The following CPNE4 variants were observed in gnomAD, a reference collection of about 807,000 sequenced individuals.
The protein encoded by CPNE4 is copine 4, also known as copine-4.
A neutral mutation model predicts 67.9 loss-of-function variants in CPNE4; 25 were observed. That is an observed-to-expected ratio of 0.37 (90% CI 0.27 to 0.51). The LOEUF is 0.51. Ranked by LOEUF, CPNE4 falls within the 20% of genes least tolerant of loss-of-function variation. The pLI is 0.93. For missense variants in CPNE4, 464 were observed against 690.8 expected (o/e 0.67, Z 3.68); for synonymous variants, 242 against 244.9 (o/e 0.99, Z 0.11).
At chr3:131,756,731 T>C (rs1163746472) in intron 2 of CPNE4, among the ~76,000 whole-genome samples, 1 of 152,146 alleles carries the variant, frequency 6.6e-6, no homozygotes, top group Non-Finnish European at 1.5e-5. Context: ...CCGGGGTTGG[T>C]AGTTGAAGTA....
chr3:131,918,177 G>A (rs1324748509), intron 1 of CPNE4, among the ~76,000 whole-genome samples: 1 of 152,146 alleles, frequency 6.6e-6, no homozygotes, highest in Admixed American at 6.6e-5. Context: ...AAAAATGGAG[G>A]AAGCAGAATT....
At chr3:131,892,415 C>G (rs1415881848) in intron 2 of CPNE4, among the ~76,000 whole-genome samples, 3 of 152,016 alleles carry the variant, frequency 2.0e-5, no homozygotes, top group Admixed American at 6.6e-5. Context: ...AGTAGACCAG[C>G]CTTACAAGAA....
At chr3:131,971,371 C>T (rs779135513) in intron 1 of CPNE4, among the ~76,000 whole-genome samples, 3 of 152,186 alleles carry the variant, frequency 2.0e-5, no homozygotes, top group Admixed American at 6.5e-5. Context: ...ACAGAAGGAA[C>T]GGTAATTCCA....
At chr3:131,728,637 G>C (rs369046251) in intron 2 of CPNE4, among the ~76,000 whole-genome samples, 5 of 152,186 alleles carry the variant, frequency 3.3e-5, no homozygotes, top group African/African-American at 9.6e-5. Context: ...GTGGCCGGGC[G>C]CAGTGGCTCA....
chr3:131,900,815 C>T (rs536010478), intron 2 of CPNE4, among the ~76,000 whole-genome samples: 2 of 152,048 alleles, frequency 1.3e-5, no homozygotes, highest in South Asian at 2.1e-4. Context: ...TACATATAAC[C>T]GCACAAATCG....
intron 9 of CPNE4, among the ~76,000 whole-genome samples, chr3:131,577,860 C>T (rs76586572): frequency 2.0e-5 from 3 of 152,050 alleles, no homozygotes; most frequent in Admixed American, 6.6e-5. Flanking sequence ...ACTGTCATAT[C>T]GGTGGTCCAT....
At chr3:131,700,301 G>A (rs1325124870) in intron 3 of CPNE4, among the ~76,000 whole-genome samples, 2 of 152,062 alleles carry the variant, frequency 1.3e-5, no homozygotes, top group East Asian at 1.9e-4. Context: ...TGTATGTTAA[G>A]ACAAAGTAGA....
At chr3:131,756,346 T>G (rs1482393215) in intron 2 of CPNE4, among the ~76,000 whole-genome samples, 1 of 152,166 alleles carries the variant, frequency 6.6e-6, no homozygotes, top group African/African-American at 2.4e-5. Flanking sequence ...CCATATGAAT[T>G]CTAAAGTTTC....
chr3:131,817,529 T>C (rs1312332019), intron 2 of CPNE4, among the ~76,000 whole-genome samples: 3 of 152,188 alleles, frequency 2.0e-5, no homozygotes, highest in Non-Finnish European at 2.9e-5. Flanking sequence ...TGGAGGGCTT[T>C]GGTGATCCTT....
In CPNE4 at chr3:131,792,720, T is replaced by C. The variant is rs1464604973; in HGVS notation, c.181-69095A>G. 8.0e-5 allele frequency among the ~76,000 whole-genome samples: 9 copies of C among 112,026 alleles called. 1 individual carries two copies. Among genetic ancestry groups the C allele is most frequent in the South Asian group, 8.0e-4 (3 of 3,760 alleles). The allele number at this position is 112,026 out of a possible 152,430, so 73.5% of individuals were successfully genotyped here. On this transcript the variant is annotated intron_variant, in intron 2 of 15. Coordinates refer to ENST00000429747, the MANE Select transcript of CPNE4 (RefSeq NM_130808.3). ...ACATATACACACACGTGTATATATG[T>C]ATATATATACACGTGTGTATATATG...
At chr3:131,724,951 T>C (rs1156980291) in intron 2 of CPNE4, among the ~76,000 whole-genome samples, 1 of 152,224 alleles carries the variant, frequency 6.6e-6, no homozygotes, top group African/African-American at 2.4e-5. Flanking sequence ...GACTAAGTTA[T>C]AGATAACCCA....
chr3:131,919,953 CAG>C (rs1235548245), intron 1 of CPNE4, among the ~76,000 whole-genome samples: 1 of 152,252 alleles, frequency 6.6e-6, no homozygotes. Context: ...TCAAATGAGT[CAG>C]AGTCACTTCT....
intron 3 of CPNE4, 87 bp downstream of exon 3, chr3:131,723,359 A>C (rs2081932627): frequency 8.4e-7 from 1 of 1,195,570 alleles, no homozygotes; most frequent in African/African-American, 1.5e-5. Context: ...GGAAAAAGCA[A>C]GGATTAGATG....
intron 6 of CPNE4, among the ~76,000 whole-genome samples, chr3:131,685,074 T>A (rs2080856925): frequency 6.6e-6 from 1 of 152,058 alleles, no homozygotes; most frequent in African/African-American, 2.4e-5. Context: ...AAGCTCAGAG[T>A]CAAACAACCT....
chr3:131,618,188 T>C (rs1443018697), intron 7 of CPNE4, among the ~76,000 whole-genome samples: 3 of 152,120 alleles, frequency 2.0e-5, no homozygotes, highest in Non-Finnish European at 4.4e-5. Context: ...GGGGAGTGAA[T>C]ACTGGGGTAG....
intron 1 of CPNE4, among the ~76,000 whole-genome samples, chr3:131,959,630 T>C (rs538336823): frequency 3.4e-4 from 51 of 152,224 alleles, no homozygotes; most frequent in African/African-American, 1.1e-3. Context: ...TTAAAAAATA[T>C]ATATTTATCT....
chr3:131,698,128 G>C (rs113973578), intron 4 of CPNE4, among the ~76,000 whole-genome samples: 8 of 151,138 alleles, frequency 5.3e-5, no homozygotes, highest in African/African-American at 1.9e-4. Flanking sequence ...CCAGCTACTC[G>C]GGAGGCTGAG....
intron 7 of CPNE4, among the ~76,000 whole-genome samples, chr3:131,611,110 G>T (rs560204184): frequency 6.6e-6 from 1 of 152,092 alleles, no homozygotes; most frequent in African/African-American, 2.4e-5. Context: ...AAAACAAAAC[G>T]TATTTTTTCC....
chr3:131,865,727 C>A (rs1016217003), intron 2 of CPNE4, among the ~76,000 whole-genome samples: 5 of 152,144 alleles, frequency 3.3e-5, no homozygotes, highest in Non-Finnish European at 2.9e-5. Context: ...GACTGAAAAG[C>A]AATTTAGCAC....
Sources: gnomAD v4.1 joint callset for allele counts (sites outside exome capture counted in the v4.1 genomes callset) on GRCh38, gnomAD v4.1.1 for gene constraint, MANE v1.5 for transcripts, NCBI Gene and HGNC (gene_info 2026-07-23, HGNC 2026-07-21) for gene names.